The following SNX10 variants were observed in gnomAD, a reference collection of about 807,000 sequenced individuals.
SNX10 encodes sorting nexin-10.
Under a neutral mutation model 28.5 loss-of-function variants are expected in SNX10, and 25 were observed. The ratio of observed to expected loss-of-function variants is 0.88; its 90% confidence interval spans 0.64 to 1.22. The LOEUF is 1.22. Among genes scored for constraint, SNX10 ranks in the 50% most tolerant of loss-of-function variants. The pLI is 0.00. For synonymous variants in SNX10, 62 were observed against 81.4 expected (o/e 0.76, Z 1.28); for missense variants, 223 against 242.6 (o/e 0.92, Z 0.54).
intron 1 of SNX10, among the ~76,000 whole-genome samples, chr7:26,341,443 C>T (rs1788173109): frequency 6.6e-6 from 1 of 151,646 alleles, no homozygotes; most frequent in African/African-American, 2.4e-5. Flanking sequence ...CACTGGGAGG[C>T]AGATATCCAT....
chr7:26,357,804 G>C (rs2128019348), intron 2 of SNX10, among the ~76,000 whole-genome samples: 1 of 152,158 alleles, frequency 6.6e-6, no homozygotes, highest in African/African-American at 2.4e-5. Context: ...GGGTTGGTGG[G>C]AGATGCTCTT....
intron 2 of SNX10, among the ~76,000 whole-genome samples, chr7:26,356,619 A>T (rs1788829702): frequency 6.6e-6 from 1 of 152,194 alleles, no homozygotes; most frequent in South Asian, 2.1e-4. Context: ...GAATATTTTA[A>T]AATAAATGTA....
intron 3 of SNX10, among the ~76,000 whole-genome samples, chr7:26,362,011 C>A (rs1443920004): frequency 6.6e-6 from 1 of 152,210 alleles, no homozygotes; most frequent in East Asian, 1.9e-4. Context: ...ATTTAATCTT[C>A]CCATTGTAAA....
intron 1 of SNX10, among the ~76,000 whole-genome samples, chr7:26,295,409 C>T (rs1786071967): frequency 6.6e-6 from 1 of 152,128 alleles, no homozygotes; most frequent in African/African-American, 2.4e-5. Context: ...GGGAGAGAAT[C>T]TGTAGCTTTC....
chr7:26,356,470 G>A (rs1028576840), intron 2 of SNX10, among the ~76,000 whole-genome samples: 1 of 152,172 alleles, frequency 6.6e-6, no homozygotes, highest in African/African-American at 2.4e-5. Context: ...GGGCAGTGTC[G>A]TGAGGGATGC....
rs117192855 is a variant in SNX10, at chr7:26,304,566, C to T, written c.-24+12480C>T. Reference sequence around the variant, plus strand: ...GGGAGAGGGTCAGGGGGGATTACACCGCACAAGCTTGACTGTCCTGGAACC... The same window carrying T: ...GGGAGAGGGTCAGGGGGGATTACACTGCACAAGCTTGACTGTCCTGGAACC... On this transcript the variant is annotated intron_variant, in intron 1 of 6. Coordinates refer to ENST00000338523, the MANE Select transcript of SNX10 (RefSeq NM_013322.3). Among the ~76,000 whole-genome samples the T allele has an allele frequency of 8.9e-3, 1,347 of 152,174 alleles. 9 individuals carry two copies. The highest frequency in any genetic ancestry group is 0.012 in the African/African-American group (503 of 41,510).
At chr7:26,330,270 G>T (rs1562799609) in intron 1 of SNX10, among the ~76,000 whole-genome samples, 1 of 152,148 alleles carries the variant, frequency 6.6e-6, no homozygotes, top group South Asian at 2.1e-4. Context: ...GGCATGAGGA[G>T]CAGGAAGCTG....
intron 5 of SNX10, among the ~76,000 whole-genome samples, chr7:26,371,331 A>G (rs56204103): frequency 0.19 from 29,059 of 152,074 alleles, 3,067 homozygotes; most frequent in South Asian, 0.36. Context: ...GCCCTTAAGT[A>G]TATAACTGTA....
At chr7:26,332,515 C>T (rs1423984161) in intron 1 of SNX10, among the ~76,000 whole-genome samples, 1 of 152,106 alleles carries the variant, frequency 6.6e-6, no homozygotes, top group Non-Finnish European at 1.5e-5. Context: ...AATATTTTCT[C>T]ATTCTGTGGG....
chr7:26,352,479 C>T (rs529539557), intron 2 of SNX10, among the ~76,000 whole-genome samples: 2 of 152,294 alleles, frequency 1.3e-5, no homozygotes, highest in African/African-American at 2.4e-5. Flanking sequence ...AATGAACCCC[C>T]ATATGTGTAC....
In SNX10 at chr7:26,321,284, A is replaced by G. The variant is rs115713712; in HGVS notation, c.-23-25136A>G. ...CTATTTCATCCTTTTGAAATTTATGAAGGTAAAAGCTTTTTCCTCTTGAAT... is the reference window on the plus strand; with the variant it reads ...CTATTTCATCCTTTTGAAATTTATGGAGGTAAAAGCTTTTTCCTCTTGAAT... On this transcript the variant is annotated intron_variant, in intron 1 of 6. Transcript: ENST00000338523. Among the ~76,000 whole-genome samples the G allele has an allele frequency of 5.6e-3, 859 of 152,250 alleles. 11 individuals carry two copies. Among genetic ancestry groups the G allele is most frequent in the African/African-American group, 0.02 (810 of 41,538 alleles).
At chr7:26,324,098 A>G (rs1937521637) in intron 1 of SNX10, among the ~76,000 whole-genome samples, 1 of 152,208 alleles carries the variant, frequency 6.6e-6, no homozygotes, top group African/African-American at 2.4e-5. Flanking sequence ...TTTCTTTAAA[A>G]TGATCCTGAA....
chr7:26,369,636 G>A (rs1789427284), intron 5 of SNX10, among the ~76,000 whole-genome samples: 1 of 152,142 alleles, frequency 6.6e-6, no homozygotes, highest in Non-Finnish European at 1.5e-5. Flanking sequence ...GTGTTCAGAT[G>A]TCCCCTCCCC....
At chr7:26,302,181 C>T (rs1242670464) in intron 1 of SNX10, among the ~76,000 whole-genome samples, 1 of 152,038 alleles carries the variant, frequency 6.6e-6, no homozygotes, top group Non-Finnish European at 1.5e-5. Context: ...TGTGCATTTT[C>T]CTTCTTTGTG....
intron 1 of SNX10, among the ~76,000 whole-genome samples, chr7:26,327,366 G>T (rs888064074): frequency 6.6e-6 from 1 of 152,184 alleles, no homozygotes; most frequent in Non-Finnish European, 1.5e-5. Context: ...CTTTGTGTTG[G>T]ATGACAGGGG....
chr7:26,330,185 C>G (rs1787681132), intron 1 of SNX10, among the ~76,000 whole-genome samples: 2 of 150,770 alleles, frequency 1.3e-5, no homozygotes, highest in African/African-American at 2.4e-5. Flanking sequence ...TAGGGCTTTA[C>G]TCATGATCAA....
chr7:26,321,775 G>GTT (rs111382162), intron 1 of SNX10, among the ~76,000 whole-genome samples: 1 of 147,420 alleles, frequency 6.8e-6, no homozygotes, highest in African/African-American at 2.5e-5. Flanking sequence ...CACTTTACCA[G>GTT]TTTTTTTTTT....
intron 5 of SNX10, among the ~76,000 whole-genome samples, chr7:26,371,154 A>G (rs1410261081): frequency 1.3e-5 from 2 of 152,108 alleles, no homozygotes; most frequent in African/African-American, 2.4e-5. Context: ...TCATCACAAA[A>G]TTATCATATT....
chr7:26,305,446 C>T (rs775470232), intron 1 of SNX10, among the ~76,000 whole-genome samples: 9 of 152,170 alleles, frequency 5.9e-5, no homozygotes, highest in Non-Finnish European at 1.0e-4. Context: ...TGTAGAGTGG[C>T]GTTTGGAAGA....
Sources: allele counts gnomAD v4.1 joint callset (sites outside exome capture counted in the v4.1 genomes callset), GRCh38; gene constraint gnomAD v4.1.1; transcripts MANE v1.5; gene names NCBI Gene and HGNC (gene_info 2026-07-23, HGNC 2026-07-21).